Variants in HDAC9 observed in about 807,000 individuals in gnomAD.
HDAC9 encodes MEF-2 interacting transcription repressor (MITR) protein.
Under a neutral mutation model 139.4 loss-of-function variants are expected in HDAC9, and 41 were observed. The ratio of observed to expected loss-of-function variants is 0.29; its 90% CI spans 0.23 to 0.38. HDAC9 has a LOEUF of 0.38. Ranked by LOEUF, HDAC9 falls within the 10% of genes least tolerant of loss-of-function variation. The probability of loss-of-function intolerance (pLI) is 1.00; values close to 1 mark genes in which losing one functional copy is unlikely to be tolerated. For synonymous variants in HDAC9, 517 were observed against 476.2 expected (o/e 1.09, Z -1.12); for missense variants, 1,147 against 1,297.0 (o/e 0.88, Z 1.78).
intron 5 of HDAC9, among the ~76,000 whole-genome samples, chr7:18,592,282 T>C (rs77020184): frequency 0.07 from 10,662 of 152,164 alleles, 545 homozygotes; most frequent in Non-Finnish European, 0.11. Context: ...AAATAATAGC[T>C]TGGCTCCTGA....
chr7:18,325,136 A>T (rs769823115), intron 1 of HDAC9, among the ~76,000 whole-genome samples: 13 of 152,108 alleles, frequency 8.5e-5, no homozygotes, highest in East Asian at 1.9e-4. Flanking sequence ...AGAAGTTAAT[A>T]AAAAAAGACC....
At chr7:18,476,777 A>G (rs923217614) in intron 1 of HDAC9, among the ~76,000 whole-genome samples, 28 of 152,268 alleles carry the variant, frequency 1.8e-4, no homozygotes, top group African/African-American at 6.5e-4. Flanking sequence ...CTCTGTCCAC[A>G]CAGGTCCCAA....
chr7:18,659,287 A>G (rs541701221), intron 11 of HDAC9, among the ~76,000 whole-genome samples: 1 of 152,300 alleles, frequency 6.6e-6, no homozygotes, highest in African/African-American at 2.4e-5. Flanking sequence ...AGGTGAACTT[A>G]AAGTGCTAAC....
At position 18,985,338 on chromosome 7, in the gene HDAC9, C is replaced by G. The variant is rs375982127; in HGVS notation, c.3170+9385C>G. On this transcript the variant is annotated intron_variant, in intron 25 of 25. Transcript: ENST00000686413. ...TGCGGTGTTTGGTTTTTTGTTCTTG[C>G]GATAGTTTACTGAGAATGATGTTTT... 1.4e-4 allele frequency among the ~76,000 whole-genome samples: 21 copies of G among 152,048 alleles called. No individual in the cohort carries two copies. The East Asian group carries it at 1.7e-3, about 13-fold the overall frequency.
At chr7:18,328,943 T>C (rs1185658347) in intron 1 of HDAC9, among the ~76,000 whole-genome samples, 2 of 151,888 alleles carry the variant, frequency 1.3e-5, no homozygotes, top group Non-Finnish European at 2.9e-5. Context: ...TCCTGGACTT[T>C]TCTTTGATAG....
In HDAC9 at chr7:18,175,776, C is replaced by T. The variant is rs1042881776; in HGVS notation, c.25+13427C>T. ...CTGTAAAATTATTTTTAACCCCCCCCCCCCTTTTTTTAGAATAACTTCCTG... is the reference window on the plus strand; with the variant it reads ...CTGTAAAATTATTTTTAACCCCCCCTCCCCTTTTTTTAGAATAACTTCCTG... On this transcript the variant is annotated intron_variant, in intron 2 of 12. Transcript: ENST00000417496. Among the ~76,000 whole-genome samples, 89 of 142,256 alleles carry T rather than the reference C, an allele frequency of 6.3e-4. 4 individuals are homozygous for T. Among genetic ancestry groups the T allele is most frequent in the Non-Finnish European group, 2.6e-4 (17 of 65,314 alleles). 93.3% of individuals were successfully genotyped at this position (142,256 alleles called of 152,430 possible). A position where few individuals can be genotyped will look rare whatever the true frequency, so the allele number is the denominator to read the frequency against.
At chr7:18,895,197 A>G (rs1266645726) in intron 22 of HDAC9, among the ~76,000 whole-genome samples, 1 of 152,126 alleles carries the variant, frequency 6.6e-6, no homozygotes, top group Non-Finnish European at 1.5e-5. Flanking sequence ...TAACAATACC[A>G]TTTCACCAGC....
intron 12 of HDAC9, among the ~76,000 whole-genome samples, chr7:18,690,938 A>G (rs1466219329): frequency 1.3e-5 from 2 of 152,030 alleles, no homozygotes; most frequent in Non-Finnish European, 2.9e-5. Flanking sequence ...CCTTGCGATT[A>G]TAGTTTTCCA....
intron 2 of HDAC9, among the ~76,000 whole-genome samples, chr7:18,199,754 C>CA (rs59883693): frequency 0.098 from 5,236 of 53,460 alleles, 141 homozygotes; most frequent in African/African-American, 0.18. Context: ...ATGTGTCTAC[C>CA]AAAAAAAAAA....
intron 6 of HDAC9, among the ~76,000 whole-genome samples, chr7:18,607,885 A>G (rs1468934198): frequency 6.6e-6 from 1 of 152,218 alleles, no homozygotes; most frequent in Non-Finnish European, 1.5e-5. Flanking sequence ...CAAATTAATC[A>G]TAACTGGTAA....
chr7:18,581,918 T>A (rs1827959746), intron 2 of HDAC9, among the ~76,000 whole-genome samples: 1 of 152,210 alleles, frequency 6.6e-6, no homozygotes, highest in Non-Finnish European at 1.5e-5. Flanking sequence ...ATAGTTCATT[T>A]ATAAATTATT....
rs111884617 is a variant in HDAC9, at chr7:18,812,355, G to A, written c.2323-16806G>A. Among the ~76,000 whole-genome samples the A allele has an allele frequency of 6.8e-3, 1,027 of 151,888 alleles. 8 individuals are homozygous for A. The highest frequency in any genetic ancestry group is 9.3e-3 in the Non-Finnish European group (634 of 67,822). ...TGAAGTATTTCTTTCAACATCGCTT[G>A]CACCACTGTTCTGCTAGCAACAAAT... On this transcript the variant is annotated intron_variant, in intron 17 of 25. Coordinates refer to ENST00000686413, the MANE Select transcript of HDAC9 (RefSeq NM_178425.4).
chr7:18,290,622 G>A (rs1286347307), intron 1 of HDAC9: 16 of 436,724 alleles, frequency 3.7e-5, no homozygotes, highest in Admixed American at 1.5e-4. Flanking sequence ...GTAGGCTGTG[G>A]AAAGATAAAC....
chr7:18,763,870 T>C (rs1442847293), intron 15 of HDAC9, among the ~76,000 whole-genome samples: 1 of 152,152 alleles, frequency 6.6e-6, no homozygotes, highest in African/African-American at 2.4e-5. Flanking sequence ...CCTTCCAACT[T>C]TATTGGAACA....
intron 22 of HDAC9, among the ~76,000 whole-genome samples, chr7:18,902,105 G>A (rs1245598156): frequency 2.6e-5 from 4 of 152,200 alleles, no homozygotes; most frequent in South Asian, 2.1e-4. Context: ...GAAGCCTCTG[G>A]AATGAGTCTC....
At chr7:18,682,142 C>T (rs772768365) in intron 12 of HDAC9, among the ~76,000 whole-genome samples, 9 of 151,958 alleles carry the variant, frequency 5.9e-5, no homozygotes, top group Non-Finnish European at 1.2e-4. Context: ...TTTAAAATGA[C>T]CTTATAATAT....
At chr7:18,786,912 G>A (rs17150253) in intron 16 of HDAC9, among the ~76,000 whole-genome samples, 8,455 of 146,412 alleles carry the variant, frequency 0.058, 585 homozygotes, top group African/African-American at 0.17. Context: ...GCACATTACC[G>A]ATATTCTGGG....
intron 2 of HDAC9, among the ~76,000 whole-genome samples, chr7:18,221,928 A>G (rs1461935283): frequency 6.6e-6 from 1 of 152,196 alleles, no homozygotes; most frequent in African/African-American, 2.4e-5. Flanking sequence ...AAAATGCAAA[A>G]TATCTGATCT....
intron 6 of HDAC9, among the ~76,000 whole-genome samples, chr7:18,599,031 G>A (rs1000247530): frequency 2.6e-5 from 4 of 152,174 alleles, no homozygotes; most frequent in Admixed American, 6.5e-5. Context: ...AATAAAAAAC[G>A]GAGCAGCAGG....
Sources: allele counts gnomAD v4.1 joint callset (sites outside exome capture counted in the v4.1 genomes callset), GRCh38; gene constraint gnomAD v4.1.1; transcripts MANE v1.5; gene names NCBI Gene and HGNC (gene_info 2026-07-23, HGNC 2026-07-21).